Variants in RHOH observed in about 807,000 individuals in gnomAD.
RHOH encodes the protein rho-related GTP-binding protein RhoH.
RHOH carries 6 observed loss-of-function variants against 13.8 expected under a neutral mutation model. The observed-to-expected ratio is 0.44, with a 90% CI of 0.24 to 0.86. The LOEUF (loss-of-function observed/expected upper bound fraction) is 0.86, where lower values mean the gene tolerates loss of function less well. Ranked by LOEUF, RHOH falls within the 40% of genes least tolerant of loss-of-function variation. RHOH has a pLI of 0.24. For synonymous variants in RHOH, 117 were observed against 103.0 expected (o/e 1.14, Z -0.82); for missense variants, 147 against 244.5 (o/e 0.60, Z 2.66).
intron 1 of RHOH, among the ~76,000 whole-genome samples, chr4:40,207,378 C>G (rs564610691): frequency 2.6e-5 from 4 of 152,238 alleles, no homozygotes; most frequent in African/African-American, 7.2e-5. Context: ...CTATAGCTAT[C>G]TTTCCTTTTT....
chr4:40,229,368 G>A (rs1245865080), intron 1 of RHOH, among the ~76,000 whole-genome samples: 4 of 152,108 alleles, frequency 2.6e-5, no homozygotes, highest in Non-Finnish European at 5.9e-5. Context: ...TGGCGCGGTG[G>A]CTCACACCTG....
At chr4:40,227,108 G>A (rs937099489) in intron 1 of RHOH, among the ~76,000 whole-genome samples, 4 of 152,280 alleles carry the variant, frequency 2.6e-5, no homozygotes, top group Admixed American at 6.5e-5. Context: ...GCAGTGAGCC[G>A]ATCTCGCCAC....
intron 1 of RHOH, among the ~76,000 whole-genome samples, chr4:40,241,023 TA>T (rs1024958845): frequency 1.6e-4 from 24 of 152,016 alleles, no homozygotes; most frequent in African/African-American, 4.1e-4. Flanking sequence ...TAAATTAAAT[TA>T]AAAAAATAAA....
chr4:40,191,814 C>T (rs143936461), upstream of RHOH, among the ~76,000 whole-genome samples: 1 of 152,024 alleles, frequency 6.6e-6, no homozygotes, highest in African/African-American at 2.4e-5. Flanking sequence ...GATACATTAA[C>T]ATATTTAAAG....
upstream of RHOH, among the ~76,000 whole-genome samples, chr4:40,195,304 T>C (rs1202297907): frequency 6.6e-6 from 1 of 152,024 alleles, no homozygotes; most frequent in Admixed American, 6.5e-5. Context: ...AACATCACCA[T>C]GGTGATCTGG....
intron 1 of RHOH, among the ~76,000 whole-genome samples, chr4:40,213,759 A>C (rs1286343796): frequency 6.6e-6 from 1 of 151,678 alleles, no homozygotes; most frequent in Non-Finnish European, 1.5e-5. Context: ...CCTTTTTAAA[A>C]ATTTTTCTTT....
chr4:40,192,317 G>T (rs1196657857), upstream of RHOH, among the ~76,000 whole-genome samples: 2 of 152,138 alleles, frequency 1.3e-5, no homozygotes, highest in East Asian at 3.8e-4. Context: ...ATAAATGAGG[G>T]TCTGTGTAAA....
chr4:40,244,219 T>C lies in RHOH; in HGVS notation c.*257T>C, dbSNP rs950909168. The C allele has an allele frequency of 6.8e-4, 254 of 373,594 alleles. No homozygotes were observed. The East Asian group carries it at 0.01, about 15-fold the overall frequency. 23.1% of individuals were successfully genotyped at this position (373,594 alleles called of 1,614,324 possible). On this transcript the variant is annotated 3_prime_UTR_variant, in exon 3 of 3. Coordinates refer to ENST00000381799, the MANE Select transcript of RHOH (RefSeq NM_004310.5). ...AATATTCCATCTTTGATTAAAAAAG[T>C]GAAATAGTCTCCATAATTTTGGACG...
intron 1 of RHOH, among the ~76,000 whole-genome samples, chr4:40,211,260 A>C (rs573337543): frequency 6.6e-6 from 1 of 151,846 alleles, no homozygotes; most frequent in Non-Finnish European, 1.5e-5. Flanking sequence ...TATTTTTTTT[A>C]AATTTTATTT....
chr4:40,232,349 C>T (rs1196916678), intron 1 of RHOH, among the ~76,000 whole-genome samples: 1 of 152,024 alleles, frequency 6.6e-6, no homozygotes, highest in Admixed American at 6.6e-5. Context: ...CTCAGCCTCC[C>T]AACTAGCTGG....
chr4:40,199,730 G>A (rs897224968), intron 1 of RHOH, among the ~76,000 whole-genome samples: 1 of 152,150 alleles, frequency 6.6e-6, no homozygotes, highest in Non-Finnish European at 1.5e-5. Context: ...GTGCTAGCAA[G>A]GCACAGCTAA....
intron 1 of RHOH, among the ~76,000 whole-genome samples, chr4:40,208,107 A>G (rs368291644): frequency 3.3e-5 from 5 of 151,678 alleles, no homozygotes; most frequent in African/African-American, 1.2e-4. Flanking sequence ...AAGTTATATT[A>G]TCTTCCAGCT....
chr4:40,224,198 C>A (rs192140133), intron 1 of RHOH, among the ~76,000 whole-genome samples: 62 of 152,324 alleles, frequency 4.1e-4, no homozygotes, highest in Admixed American at 3.9e-3. Flanking sequence ...GTATATCATA[C>A]CCTTCCTGGG....
intron 1 of RHOH, among the ~76,000 whole-genome samples, chr4:40,199,499 C>T (rs2109351160): frequency 6.6e-6 from 1 of 152,274 alleles, no homozygotes; most frequent in African/African-American, 2.4e-5. Context: ...AACTTGGAAA[C>T]CGCTATTTTA....
intron 1 of RHOH, among the ~76,000 whole-genome samples, chr4:40,227,443 G>A (rs1020982204): frequency 1.3e-5 from 2 of 152,236 alleles, no homozygotes; most frequent in African/African-American, 4.8e-5. Context: ...TGGGCCTCGT[G>A]TGGGCCCCCA....
intron 1 of RHOH, chr4:40,205,711 G>GT (rs1724565891): frequency 6.6e-6 from 1 of 152,180 alleles, no homozygotes; most frequent in Admixed American, 6.5e-5. Flanking sequence ...ACTGGAAGTG[G>GT]TAAGATGAGG....
intron 1 of RHOH, among the ~76,000 whole-genome samples, chr4:40,219,228 A>G (rs373057884): frequency 7.9e-4 from 121 of 152,274 alleles, no homozygotes; most frequent in African/African-American, 2.8e-3. Flanking sequence ...CCTGGCCAAC[A>G]TGGTGAAACT....
chr4:40,201,368 A>G (rs1206383534), intron 1 of RHOH, among the ~76,000 whole-genome samples: 2 of 148,012 alleles, frequency 1.4e-5, no homozygotes, highest in African/African-American at 4.9e-5. Flanking sequence ...ATTTCAATGA[A>G]AAAAAAAAAA....
intron 1 of RHOH, among the ~76,000 whole-genome samples, chr4:40,211,251 A>AT (rs955752406): frequency 9.2e-5 from 14 of 151,828 alleles, no homozygotes; most frequent in East Asian, 3.9e-4. Context: ...CTTTATTTCT[A>AT]TTTTTTTTAA....
Sources: allele counts gnomAD v4.1 joint callset (sites outside exome capture counted in the v4.1 genomes callset), GRCh38; gene constraint gnomAD v4.1.1; transcripts MANE v1.5; gene names NCBI Gene and HGNC (gene_info 2026-07-23, HGNC 2026-07-21).